Variants in BTD observed in about 807,000 individuals in gnomAD.
BTD encodes biocytinase.
Under a neutral mutation model 17.7 loss-of-function variants are expected in BTD, and 13 were observed. The observed-to-expected ratio is 0.74, with a 90% CI of 0.48 to 1.17. The LOEUF is 1.17. Among genes scored for constraint, BTD ranks in the 50% most tolerant of loss-of-function variants. The probability of loss-of-function intolerance (pLI) is 0.00; values close to 1 mark genes in which losing one functional copy is unlikely to be tolerated. For synonymous variants in BTD, 240 were observed against 245.2 expected (o/e 0.98, Z 0.20); for missense variants, 674 against 650.4 (o/e 1.04, Z -0.39).
downstream of BTD, among the ~76,000 whole-genome samples, chr3:15,654,493 TAAC>T (rs777623128): frequency 2.8e-4 from 43 of 152,064 alleles, no homozygotes; most frequent in Non-Finnish European, 5.4e-4. Context: ...AAGGGAAAAA[TAAC>T]AATTAAAAAA....
chr3:15,707,601 T>C (rs944858523), intron 3 of BTD, among the ~76,000 whole-genome samples: 2 of 152,186 alleles, frequency 1.3e-5, no homozygotes, highest in Non-Finnish European at 2.9e-5. Flanking sequence ...CCCCATGATA[T>C]AGTCACGGCT....
intron 3 of BTD, chr3:15,697,391 C>A (rs555108046): frequency 1.3e-5 from 2 of 152,170 alleles, no homozygotes; most frequent in African/African-American, 4.8e-5. Context: ...GCTCAGGGGA[C>A]CAGTGCACCA....
exon 4 of BTD, chr3:15,711,299 T>C: frequency 6.4e-7 from 1 of 1,558,494 alleles, no homozygotes; most frequent in East Asian, 2.2e-5. Context: ...ACATCTTATT[T>C]ATAACAGACA....
At chr3:15,633,314 C>T (rs1410397124) in intron 1 of BTD, among the ~76,000 whole-genome samples, 1 of 151,698 alleles carries the variant, frequency 6.6e-6, no homozygotes, top group Non-Finnish European at 1.5e-5. Flanking sequence ...TGTAATTACT[C>T]ATTCTCTTCT....
chr3:15,664,701 T>C (rs2065959799), intron 3 of BTD, among the ~76,000 whole-genome samples: 1 of 151,122 alleles, frequency 6.6e-6, no homozygotes, highest in Admixed American at 6.7e-5. Flanking sequence ...AAGATGAAAA[T>C]TTATGTTGGC....
At chr3:15,719,545 T>C (rs2073463337) in intron 4 of BTD, among the ~76,000 whole-genome samples, 1 of 152,204 alleles carries the variant, frequency 6.6e-6, no homozygotes. Flanking sequence ...TAAAATTATA[T>C]AGTGAAAGCA....
rs931144116 is a variant in BTD at position 15,652,250 on chromosome 3, C to T, written c.*6762C>T. ...CTGAGGCAGAAGAATCGCTTGAACC[C>T]GGGAGGCGGAGGTTACAATGAGCTG... On this transcript the variant is annotated 3_prime_UTR_variant, in exon 4 of 4. Coordinates refer to ENST00000643237, the MANE Select transcript of BTD (RefSeq NM_001370658.1). 2.0e-5 allele frequency among the ~76,000 whole-genome samples: 3 copies of T among 152,138 alleles called. No homozygotes were observed. The highest frequency in any genetic ancestry group is 2.9e-5 in the Non-Finnish European group (2 of 68,026).
intron 3 of BTD, among the ~76,000 whole-genome samples, chr3:15,664,214 G>C (rs1420330489): frequency 1.3e-5 from 2 of 152,202 alleles, no homozygotes; most frequent in Non-Finnish European, 2.9e-5. Flanking sequence ...AGTGATAGAG[G>C]GGTGTTGAAG....
rs1462937043 is a variant in BTD at position 15,653,712 on chromosome 3, T to C, written c.*8224T>C. ...AATTAAAGAAAGATGTAATTATGTA[T>C]AATGTGATTTGTAAGATAAGGTATA... On this transcript the variant is annotated 3_prime_UTR_variant, in exon 4 of 4. Coordinates refer to ENST00000643237, the MANE Select transcript of BTD (RefSeq NM_001370658.1). Among the ~76,000 whole-genome samples, 1 of 152,254 alleles carries C rather than the reference T, an allele frequency of 6.6e-6. No individual in the cohort carries two copies. The highest frequency in any genetic ancestry group is 2.4e-5 in the African/African-American group (1 of 41,470).
chr3:15,709,757 T>C, intron 3 of BTD: 1 of 1,496,956 alleles, frequency 6.7e-7, no homozygotes, highest in Non-Finnish European at 9.1e-7. Flanking sequence ...AAAATACAGT[T>C]AGAAAACTTA....
chr3:15,602,263 C>A (rs1421365831), intron 1 of BTD: 2 of 1,249,678 alleles, frequency 1.6e-6, no homozygotes, highest in Non-Finnish European at 1.0e-6. Flanking sequence ...TGTTTCCTAC[C>A]CACTATTCAG....
chr3:15,708,179 T>C lies in BTD; in HGVS notation c.400-1881T>C, dbSNP rs550552877. The C allele has an allele frequency of 3.4e-6, 4 of 1,181,472 alleles. No individual in the cohort carries two copies. The African/African-American group carries it at 6.1e-5, about 18-fold the overall frequency. 73.2% of individuals were successfully genotyped at this position (1,181,472 alleles called of 1,614,324 possible). A position where few individuals can be genotyped will look rare whatever the true frequency, so the allele number is the denominator to read the frequency against. On this transcript the variant is annotated intron_variant, in intron 3 of 3. Transcript: ENST00000672141. ...CAAATACTTTATTTACAGTGAGACT[T>C]AGACTACCATATACTAAGTCTTGCG...
In BTD at chr3:15,602,273, G is replaced by A. The variant is rs184138516; in HGVS notation, c.-17+379G>A. On this transcript the variant is annotated intron_variant, in intron 1 of 3. Coordinates refer to ENST00000643237, the MANE Select transcript of BTD (RefSeq NM_001370658.1). ...AATCCTGTTTCCTACCCACTATTCAGCCATTGGGTCACAAGCGATGAAAAG... is the reference window on the plus strand; with the variant it reads ...AATCCTGTTTCCTACCCACTATTCAACCATTGGGTCACAAGCGATGAAAAG... The A allele has an allele frequency of 2.8e-5, 34 of 1,223,234 alleles. No individual in the cohort carries two copies. The Admixed American group carries it at 9.7e-4, about 35-fold the overall frequency. 75.8% of individuals were successfully genotyped at this position (1,223,234 alleles called of 1,614,324 possible).
At chr3:15,696,282 A>G in intron 3 of BTD, 1 of 1,297,368 alleles carries the variant, frequency 7.7e-7, no homozygotes, top group Non-Finnish European at 1.1e-6. Flanking sequence ...AAAATCCTAA[A>G]TCCTGCATAT....
At chr3:15,679,520 G>A (rs2067299638) in intron 3 of BTD, 1 of 1,613,442 alleles carries the variant, frequency 6.2e-7, no homozygotes. Flanking sequence ...CCGTTTTCTG[G>A]AAAACTTCCT....
chr3:15,643,027 C>CAAAAAAAAAA (rs200265982), intron 3 of BTD, among the ~76,000 whole-genome samples: 1 of 99,316 alleles, frequency 1.0e-5, no homozygotes, highest in African/African-American at 4.9e-5. Flanking sequence ...AACTCTGCCT[C>CAAAAAAAAAA]AAAAAAAAAA....
intron 3 of BTD, among the ~76,000 whole-genome samples, chr3:15,658,901 G>A (rs2065896705): frequency 6.6e-6 from 1 of 152,154 alleles, no homozygotes; most frequent in Non-Finnish European, 1.5e-5. Context: ...GGAAGGTTAT[G>A]TAACTTGCCA....
chr3:15,636,263 CTGTT>C (rs2125457632), intron 2 of BTD, among the ~76,000 whole-genome samples: 1 of 152,266 alleles, frequency 6.6e-6, no homozygotes, highest in South Asian at 2.1e-4. Context: ...TCCCTTCAGA[CTGTT>C]TGAGGCTCGT....
At chr3:15,602,040 C>G in intron 1 of BTD, 146 bp downstream of exon 1, 1 of 1,482,550 alleles carries the variant, frequency 6.7e-7, no homozygotes, top group Non-Finnish European at 9.0e-7. Context: ...TTTGCTGGGG[C>G]TGTTTGTGCG....
Sources: allele counts gnomAD v4.1 joint callset (sites outside exome capture counted in the v4.1 genomes callset), GRCh38; gene constraint gnomAD v4.1.1; transcripts MANE v1.5; gene names NCBI Gene and HGNC (gene_info 2026-07-23, HGNC 2026-07-21).